Variants in IL1RAPL2 observed in about 807,000 individuals in gnomAD.
IL1RAPL2 encodes X-linked interleukin-1 receptor accessory protein-like 2.
Under a neutral mutation model 44.1 loss-of-function variants are expected in IL1RAPL2, and 3 were observed. The observed-to-expected ratio is 0.07, with a 90% CI of 0.03 to 0.18. The LOEUF (loss-of-function observed/expected upper bound fraction) is 0.18, where lower values mean the gene tolerates loss of function less well. IL1RAPL2 is among the 10% of genes least tolerant of loss of function. The probability of loss-of-function intolerance (pLI) is 1.00; values close to 1 mark genes in which losing one functional copy is unlikely to be tolerated. For synonymous variants in IL1RAPL2, 181 were observed against 178.8 expected (o/e 1.01, Z -0.10); for missense variants, 391 against 496.4 (o/e 0.79, Z 2.02).
At chrX:104,737,035 A>C (rs1932024849) in intron 2 of IL1RAPL2, among the ~76,000 whole-genome samples, 1 of 112,642 alleles carries the variant, frequency 8.9e-6, no homozygotes. Context: ...AAAAGTTCTC[A>C]AAAGAACAAG....
At chrX:104,783,156 A>G (rs1006161784) in intron 2 of IL1RAPL2, among the ~76,000 whole-genome samples, 1 of 112,149 alleles carries the variant, frequency 8.9e-6, no homozygotes, top group Admixed American at 9.5e-5. Flanking sequence ...ATGTTTCTCT[A>G]TGTGAGTTCT....
intron 3 of IL1RAPL2, chrX:105,219,472 A>G (rs1235514926): frequency 8.3e-7 from 1 of 1,206,476 alleles, no homozygotes; most frequent in Non-Finnish European, 1.1e-6. Context: ...GATTCTCTCC[A>G]GCTTCTCTGT....
chrX:104,636,789 C>T (rs1029848597), intron 1 of IL1RAPL2, among the ~76,000 whole-genome samples: 6 of 112,382 alleles, frequency 5.3e-5, no homozygotes, highest in Non-Finnish European at 7.5e-5. Flanking sequence ...CCTTGTGCTT[C>T]CCAGGTGAGG....
At chrX:104,738,567 AG>A (rs1932053269) in intron 2 of IL1RAPL2, among the ~76,000 whole-genome samples, 1 of 111,957 alleles carries the variant, frequency 8.9e-6, no homozygotes, top group Non-Finnish European at 1.9e-5. Flanking sequence ...AATAGAAAGC[AG>A]TGTAGCTAAG....
chrX:104,828,422 C>T (rs1921516574), intron 2 of IL1RAPL2, among the ~76,000 whole-genome samples: 1 of 112,239 alleles, frequency 8.9e-6, no homozygotes, highest in African/African-American at 3.2e-5. Context: ...TGGGGGTCCA[C>T]TCCAGACCCT....
Position 105,647,763 on chromosome X carries a change from C to CA in IL1RAPL2, c.773-69603dup, listed in dbSNP as rs1393452606. Among the ~76,000 whole-genome samples, 5 of 112,571 alleles carry CA rather than the reference C, an allele frequency of 4.4e-5. No homozygotes were observed. In the East Asian group the frequency reaches 1.4e-3, roughly 32 times the overall value. ...CATTCTTCCCTTTCTCCTCAATAGT[C>CA]ACAACAGTATCACAATATTTTGGCT... is the stretch of plus-strand genomic sequence containing the variant. On this transcript the variant is annotated intron_variant, in intron 6 of 10. Coordinates refer to ENST00000372582, the MANE Select transcript of IL1RAPL2 (RefSeq NM_017416.2).
chrX:105,462,841 G>T (rs1225675354), intron 5 of IL1RAPL2, among the ~76,000 whole-genome samples: 1 of 110,416 alleles, frequency 9.1e-6, no homozygotes, highest in Admixed American at 9.7e-5. Context: ...AGCACACATG[G>T]TCTTTTGCCC....
At chrX:105,126,939 C>G (rs1050508508) in intron 2 of IL1RAPL2, among the ~76,000 whole-genome samples, 10 of 111,284 alleles carry the variant, frequency 9.0e-5, no homozygotes, top group South Asian at 3.7e-4. Flanking sequence ...TTACAAGAAG[C>G]ATAGCCCTCC....
chrX:105,122,529 A>T (rs2032935142), intron 2 of IL1RAPL2, among the ~76,000 whole-genome samples: 1 of 111,615 alleles, frequency 9.0e-6, no homozygotes, highest in Non-Finnish European at 1.9e-5. Context: ...ACAAAAGATG[A>T]TCATCAGACA....
intron 6 of IL1RAPL2, among the ~76,000 whole-genome samples, chrX:105,565,127 A>G (rs1178216573): frequency 1.8e-5 from 2 of 111,848 alleles, no homozygotes; most frequent in Non-Finnish European, 3.8e-5. Context: ...AGAATTCAGT[A>G]TACATCTTTG....
At chrX:105,619,690 G>T (rs1304135178) in intron 6 of IL1RAPL2, among the ~76,000 whole-genome samples, 2 of 111,140 alleles carry the variant, frequency 1.8e-5, no homozygotes, top group African/African-American at 6.5e-5. Flanking sequence ...TGGACACTTG[G>T]CCTAGAATAG....
At chrX:104,702,907 A>G (rs1013950253) in intron 2 of IL1RAPL2, among the ~76,000 whole-genome samples, 12 of 111,877 alleles carry the variant, frequency 1.1e-4, no homozygotes, top group African/African-American at 3.2e-4. Context: ...TAAATTATAA[A>G]TTATGAAGGG....
intron 5 of IL1RAPL2, among the ~76,000 whole-genome samples, chrX:105,274,008 G>A (rs1299740339): frequency 8.9e-6 from 1 of 111,792 alleles, no homozygotes; most frequent in African/African-American, 3.3e-5. Context: ...CTCAGATGTA[G>A]CTTTTTAATC....
At chrX:104,896,554 A>C (rs1923654229) in intron 2 of IL1RAPL2, among the ~76,000 whole-genome samples, 1 of 111,596 alleles carries the variant, frequency 9.0e-6, no homozygotes, top group Non-Finnish European at 1.9e-5. Flanking sequence ...TTTTCTGTCT[A>C]GCTAAAGGAT....
At chrX:105,256,143 G>A (rs193128644) in intron 4 of IL1RAPL2, among the ~76,000 whole-genome samples, 1 of 110,690 alleles carries the variant, frequency 9.0e-6, no homozygotes, top group East Asian at 2.9e-4. Flanking sequence ...TTTATTATTA[G>A]AACAATGCTG....
At chrX:105,646,937 C>T (rs887323785) in intron 6 of IL1RAPL2, among the ~76,000 whole-genome samples, 6 of 112,524 alleles carry the variant, frequency 5.3e-5, no homozygotes, top group Admixed American at 3.8e-4. Context: ...TGGTGGGCCG[C>T]TCCCAAGATG....
chrX:105,343,207 A>G (rs2035084803), intron 5 of IL1RAPL2, among the ~76,000 whole-genome samples: 1 of 112,054 alleles, frequency 8.9e-6, no homozygotes, highest in Non-Finnish European at 1.9e-5. Flanking sequence ...AGGCAAGGCT[A>G]ACTTTGTATG....
chrX:105,389,652 A>G (rs2035506623), intron 5 of IL1RAPL2, among the ~76,000 whole-genome samples: 1 of 111,605 alleles, frequency 9.0e-6, no homozygotes, highest in African/African-American at 3.3e-5. Context: ...AATACAGAGG[A>G]TGGTTCACTT....
intron 6 of IL1RAPL2, among the ~76,000 whole-genome samples, chrX:105,681,737 G>A (rs779575528): frequency 9.0e-5 from 10 of 110,823 alleles, no homozygotes; most frequent in Non-Finnish European, 1.3e-4. Context: ...CAGCCTGGGC[G>A]AAAGAGCGAA....
Sources: gnomAD v4.1 joint callset for allele counts (sites outside exome capture counted in the v4.1 genomes callset) on GRCh38, gnomAD v4.1.1 for gene constraint, MANE v1.5 for transcripts, NCBI Gene and HGNC (gene_info 2026-07-23, HGNC 2026-07-21) for gene names.